Variants in KCNJ3 observed in about 807,000 individuals in gnomAD.
KCNJ3 encodes G protein-activated inward rectifier potassium channel 1.
A neutral mutation model predicts 39.2 loss-of-function variants in KCNJ3; 4 were observed. The observed-to-expected ratio is 0.10, with a 90% confidence interval of 0.05 to 0.23. The LOEUF is 0.23. Among genes scored for constraint, KCNJ3 ranks in the 10% least tolerant of loss-of-function variants. KCNJ3 has a pLI of 1.00. For missense variants in KCNJ3, 276 were observed against 634.9 expected, an observed-to-expected ratio of 0.43 and a Z score of 6.08; for synonymous variants, 230 against 237.4, an observed-to-expected ratio of 0.97 and a Z score of 0.29.
chr2:154,817,494 A>G (rs1462328876), intron 2 of KCNJ3, among the ~76,000 whole-genome samples: 1 of 152,198 alleles, frequency 6.6e-6, no homozygotes, highest in Admixed American at 6.6e-5. Flanking sequence ...GTCACAAAAA[A>G]TGAAATTAAA....
At chr2:154,757,070 T>C (rs936311266) in intron 2 of KCNJ3, among the ~76,000 whole-genome samples, 3 of 152,264 alleles carry the variant, frequency 2.0e-5, no homozygotes, top group African/African-American at 7.2e-5. Flanking sequence ...TTTTTAAATG[T>C]CAAAGTATTA....
rs376564354 is a variant in KCNJ3 at position 154,782,613 on chromosome 2, T to C, written c.920-72114T>C. Among the ~76,000 whole-genome samples the C allele has an allele frequency of 5.3e-5, 8 of 152,030 alleles. No homozygotes were observed. In the East Asian group the frequency reaches 1.6e-3, roughly 30 times the overall value. The stretch of plus-strand genomic sequence containing the variant: ...GAAGGCCAAATGACATGATAAAATA[T>C]CTACTAATAAATCTGTGTCCCCAAC... On this transcript the variant is annotated intron_variant, in intron 2 of 2. Transcript: ENST00000295101.
rs1380154039 is a variant in KCNJ3 at position 154,699,944 on chromosome 2, A to G, written c.702+467A>G. On this transcript the variant is annotated intron_variant, in intron 1 of 2. Transcript: ENST00000295101. This position sits in a 1 kb window ranked among gnomAD's most constrained non-coding sequence, Gnocchi z 6.4. ...TCAACTTTCACGATGGGCTTTTCTT[A>G]TTTTTTTCTTTCCTTTTTTTCCCCC... Among the ~76,000 whole-genome samples, 1 of 151,776 alleles carries G rather than the reference A, an allele frequency of 6.6e-6. No individual in the cohort carries two copies. The highest frequency in any genetic ancestry group is 2.4e-5 in the African/African-American group (1 of 41,292).
In KCNJ3 at chr2:154,835,008, A is replaced by AT. The variant is rs1005525584; in HGVS notation, c.920-19708dup. Among the ~76,000 whole-genome samples the AT allele has an allele frequency of 7.5e-4, 110 of 145,906 alleles. 1 individual carries two copies. Among genetic ancestry groups the AT allele is most frequent in the South Asian group, 1.1e-3 (5 of 4,650 alleles). On this transcript the variant is annotated intron_variant, in intron 2 of 2. Coordinates refer to ENST00000295101, the MANE Select transcript of KCNJ3 (RefSeq NM_002239.4). ...CCTCCTCACCCCAGCTTCTCTTCCTATTTTTTTTTTTAAATATCATTACCT... is the reference window on the plus strand; with the variant it reads ...CCTCCTCACCCCAGCTTCTCTTCCTATTTTTTTTTTTTAAATATCATTACCT...
At chr2:154,775,947 T>C (rs1281160053) in intron 2 of KCNJ3, among the ~76,000 whole-genome samples, 2 of 152,022 alleles carry the variant, frequency 1.3e-5, no homozygotes, top group African/African-American at 4.8e-5. Context: ...TGCATAGTAG[T>C]ATTTTTATTT....
intron 2 of KCNJ3, among the ~76,000 whole-genome samples, chr2:154,813,503 CT>C (rs1448369932): frequency 6.6e-6 from 1 of 151,234 alleles, no homozygotes; most frequent in African/African-American, 2.4e-5. Context: ...ATTTTTTTTT[CT>C]TTTTCTTATG....
intron 2 of KCNJ3, among the ~76,000 whole-genome samples, chr2:154,845,469 GT>G (rs1687648709): frequency 6.6e-6 from 1 of 152,042 alleles, no homozygotes. Context: ...TTCAACAATA[GT>G]TTTATATTAT....
intron 2 of KCNJ3, among the ~76,000 whole-genome samples, chr2:154,810,239 C>T (rs1273393164): frequency 6.6e-6 from 1 of 152,070 alleles, no homozygotes; most frequent in South Asian, 2.1e-4. Flanking sequence ...TGTGCCACCA[C>T]GCCTGACTAA....
intron 1 of KCNJ3, among the ~76,000 whole-genome samples, chr2:154,708,640 T>C (rs1243291688): frequency 1.3e-5 from 2 of 152,182 alleles, no homozygotes; most frequent in Non-Finnish European, 1.5e-5. Flanking sequence ...ATATGTTTGC[T>C]TGTGCATGAT....
intron 2 of KCNJ3, among the ~76,000 whole-genome samples, chr2:154,849,004 ACT>A (rs1687710537): frequency 6.6e-6 from 1 of 152,036 alleles, no homozygotes; most frequent in Admixed American, 6.6e-5. Context: ...CTAGTGATAA[ACT>A]CTCTTTTGTT....
rs1330216695 is a variant in KCNJ3, at chr2:154,698,695, A to T, written c.-81A>T. On this transcript the variant is annotated 5_prime_UTR_variant, in exon 1 of 3. Transcript: ENST00000295101. ...TCGCCCCCTTTCCTCCCCCGCCCCCACCTCCTTATTGGTGCTAGTTTGCAG... is the reference window on the plus strand; with the variant it reads ...TCGCCCCCTTTCCTCCCCCGCCCCCTCCTCCTTATTGGTGCTAGTTTGCAG... 6.1e-5 allele frequency: 8 copies of T among 130,860 alleles called. No homozygotes were observed. The highest frequency in any genetic ancestry group is 4.8e-4 in the South Asian group (7 of 14,644). 8.1% of individuals were successfully genotyped at this position (130,860 alleles called of 1,614,324 possible).
At position 154,739,914 on chromosome 2, in the gene KCNJ3, A is replaced by G. The variant is rs550555220; in HGVS notation, c.919+30095A>G. 4.6e-5 allele frequency among the ~76,000 whole-genome samples: 7 copies of G among 152,162 alleles called. No individual in the cohort carries two copies. In the South Asian group the frequency reaches 1.5e-3, roughly 32 times the overall value. Reference sequence around the variant, plus strand: ...ATATGTGTTCAGCAACGAATATGGCATTGTATCCTGTGGGGACATATATGA... The same window carrying G: ...ATATGTGTTCAGCAACGAATATGGCGTTGTATCCTGTGGGGACATATATGA... On this transcript the variant is annotated intron_variant, in intron 2 of 2. Transcript: ENST00000295101.
chr2:154,797,511 A>T (rs1486846486), intron 2 of KCNJ3, among the ~76,000 whole-genome samples: 1 of 152,152 alleles, frequency 6.6e-6, no homozygotes, highest in African/African-American at 2.4e-5. Context: ...AGCCATGGTT[A>T]TGCATAGAAG....
chr2:154,714,643 A>G (rs140538765), intron 2 of KCNJ3, among the ~76,000 whole-genome samples: 3 of 152,304 alleles, frequency 2.0e-5, no homozygotes, highest in African/African-American at 7.2e-5. Flanking sequence ...CAAGTCATCA[A>G]CTTACCCTCA....
intron 2 of KCNJ3, among the ~76,000 whole-genome samples, chr2:154,722,583 A>G (rs1029421561): frequency 6.6e-6 from 1 of 152,142 alleles, no homozygotes; most frequent in Non-Finnish European, 1.5e-5. Context: ...TGGAAGAGTA[A>G]AGGCTGGAAA....
At position 154,698,783 on chromosome 2, in the gene KCNJ3, C is replaced by T. The variant is rs1354793156; in HGVS notation, c.8C>T (p.Ala3Val). 2.5e-6 allele frequency: 4 copies of T among 1,606,338 alleles called. No individual in the cohort carries two copies. The Admixed American group carries it at 6.7e-5, about 27-fold the overall frequency. The change falls in exon 1 of 3, where the codon GCA (alanine) becomes GTA (valine). Residue 3 changes from alanine (A) to valine (V), a missense_variant. By Grantham distance (64) the Ala-to-Val change is moderately conservative. Coordinates refer to ENST00000295101, the MANE Select transcript of KCNJ3 (RefSeq NM_002239.4). MS[A>V]LRRKFGDDYQ... ...GGCTCGCCCCTTCGTATTATGTCTG[C>T]ACTCCGAAGGAAATTTGGGGACGAT...
intron 2 of KCNJ3, among the ~76,000 whole-genome samples, chr2:154,848,964 C>T (rs1004219276): frequency 6.6e-6 from 1 of 152,190 alleles, no homozygotes; most frequent in Non-Finnish European, 1.5e-5. Flanking sequence ...AAAGTTGACA[C>T]TTTAATTTGA....
intron 2 of KCNJ3, among the ~76,000 whole-genome samples, chr2:154,819,168 A>T (rs971926350): frequency 4.6e-5 from 7 of 151,930 alleles, no homozygotes; most frequent in Admixed American, 6.6e-5. Context: ...CCATGAGATA[A>T]CTATTGCACC....
intron 2 of KCNJ3, among the ~76,000 whole-genome samples, chr2:154,746,555 A>G (rs1427584149): frequency 6.6e-6 from 1 of 150,616 alleles, no homozygotes; most frequent in Non-Finnish European, 1.5e-5. Flanking sequence ...GAATCCATGT[A>G]TGCAGAACTT....
Sources: gnomAD v4.1 joint callset for allele counts (sites outside exome capture counted in the v4.1 genomes callset) on GRCh38, gnomAD v4.1.1 for gene constraint, Gnocchi (gnomAD v3.1) non-coding constraint, MANE v1.5 for transcripts, NCBI Gene and HGNC (gene_info 2026-07-23, HGNC 2026-07-21) for gene names.